RTTN: variants seen among roughly 807,000 people sequenced by gnomAD.
The protein encoded by RTTN is rotatin.
Under a neutral mutation model 269.2 loss-of-function variants are expected in RTTN, and 182 were observed. The observed-to-expected ratio is 0.68, with a 90% CI of 0.60 to 0.76. RTTN has a LOEUF of 0.76. Ranked by LOEUF, RTTN falls within the 30% of genes least tolerant of loss-of-function variation. The probability of loss-of-function intolerance (pLI) is 0.00; values close to 1 mark genes in which losing one functional copy is unlikely to be tolerated. For missense variants in RTTN, 2,545 were observed against 2,608.6 expected, an observed-to-expected ratio of 0.98 and a Z score of 0.53; for synonymous variants, 1,006 against 963.5, an observed-to-expected ratio of 1.04 and a Z score of -0.82.
chr18:70,029,105 T>C (rs1022341618), intron 42 of RTTN, among the ~76,000 whole-genome samples: 2 of 149,494 alleles, frequency 1.3e-5, no homozygotes, highest in African/African-American at 4.9e-5. Flanking sequence ...TTCAATAATA[T>C]CAGGTGTTGG....
At chr18:70,148,610 T>A (rs1474045755) in intron 17 of RTTN, among the ~76,000 whole-genome samples, 1 of 152,204 alleles carries the variant, frequency 6.6e-6, no homozygotes, top group Non-Finnish European at 1.5e-5. Flanking sequence ...ACCATCTATT[T>A]ATCTCCATGG....
At chr18:70,188,560 C>T (rs1029188089) in intron 9 of RTTN, among the ~76,000 whole-genome samples, 1 of 152,136 alleles carries the variant, frequency 6.6e-6, no homozygotes, top group Non-Finnish European at 1.5e-5. Flanking sequence ...TGACAAAGCA[C>T]CAGAAAGGTT....
intron 14 of RTTN, among the ~76,000 whole-genome samples, chr18:70,160,557 A>G (rs907629144): frequency 9.9e-5 from 15 of 151,138 alleles, no homozygotes; most frequent in African/African-American, 3.2e-4. Context: ...TCAATATGCT[A>G]TTGGAAGGCC....
intron 26 of RTTN, among the ~76,000 whole-genome samples, chr18:70,118,882 A>G (rs1353997439): frequency 6.6e-6 from 1 of 152,170 alleles, no homozygotes; most frequent in African/African-American, 2.4e-5. Context: ...ACAAAATTCA[A>G]CATCCTTTCA....
At chr18:70,125,907 T>C (rs1156632468) in intron 25 of RTTN, among the ~76,000 whole-genome samples, 1 of 152,078 alleles carries the variant, frequency 6.6e-6, no homozygotes, top group Non-Finnish European at 1.5e-5. Flanking sequence ...TTCTGTGATA[T>C]ATATTTTTGA....
chr18:70,199,073 G>A (rs921484576), intron 5 of RTTN, among the ~76,000 whole-genome samples: 2 of 152,146 alleles, frequency 1.3e-5, no homozygotes, highest in Non-Finnish European at 2.9e-5. Context: ...TGTAATTCCA[G>A]CTACTCAGGA....
intron 44 of RTTN, among the ~76,000 whole-genome samples, chr18:70,023,876 G>C (rs1367770831): frequency 6.6e-6 from 1 of 152,062 alleles, no homozygotes; most frequent in Non-Finnish European, 1.5e-5. Context: ...TCCGCTTCCT[G>C]GGTTCAAGTG....
At chr18:70,041,435 G>A (rs2057337397) in intron 40 of RTTN, among the ~76,000 whole-genome samples, 1 of 151,666 alleles carries the variant, frequency 6.6e-6, no homozygotes, top group Non-Finnish European at 1.5e-5. Context: ...TGGATGAGAG[G>A]CAAGTGTATT....
At chr18:70,100,771 G>T (rs1443295601) in intron 28 of RTTN, among the ~76,000 whole-genome samples, 2 of 152,126 alleles carry the variant, frequency 1.3e-5, no homozygotes, top group African/African-American at 4.8e-5. Context: ...AATTTACTGA[G>T]AGTTTTTAGC....
chr18:70,182,932 T>G (rs2061452857), intron 10 of RTTN, among the ~76,000 whole-genome samples: 1 of 152,208 alleles, frequency 6.6e-6, no homozygotes, highest in African/African-American at 2.4e-5. Context: ...TATTCTAAAG[T>G]TGATCCAGAA....
At chr18:70,128,219 T>G (rs1016071479) in intron 24 of RTTN, 139 bp downstream of exon 24, 27 of 637,632 alleles carry the variant, frequency 4.2e-5, no homozygotes, top group African/African-American at 3.7e-4. Context: ...TAAAAGAAAG[T>G]AAAAATTATA....
intron 33 of RTTN, 44 bp from the exon 34 acceptor site, chr18:70,074,038 A>C (rs1217871583): frequency 3.8e-6 from 5 of 1,315,570 alleles, no homozygotes; most frequent in Non-Finnish European, 5.5e-6. Flanking sequence ...CCTCCTAGGA[A>C]CTGTAACAAT....
chr18:70,119,830 A>G (rs1209508938), intron 26 of RTTN, among the ~76,000 whole-genome samples: 2 of 152,216 alleles, frequency 1.3e-5, no homozygotes, highest in Admixed American at 1.3e-4. Context: ...AATTAACTAC[A>G]TAGCTTATTA....
Position 70,104,885 on chromosome 18 carries a change from G to C in RTTN, c.3903+4613C>G, listed in dbSNP as rs372519583. ...TTCGTCTCAAGAGGGGCACCCGGCTGTATGAGGTGTCAGTTGGCCCCTACT... is the reference window on the plus strand; with the variant it reads ...TTCGTCTCAAGAGGGGCACCCGGCTCTATGAGGTGTCAGTTGGCCCCTACT... On this transcript the variant is annotated intron_variant, in intron 28 of 48. Coordinates refer to ENST00000640769, the MANE Select transcript of RTTN (RefSeq NM_173630.4). Among the ~76,000 whole-genome samples, 765 of 152,278 alleles carry C rather than the reference G, an allele frequency of 5.0e-3. 5 individuals carry two copies. Among genetic ancestry groups the C allele is most frequent in the African/African-American group, 0.017 (725 of 41,564 alleles).
chr18:70,124,620 C>T (rs1373641018), intron 25 of RTTN, among the ~76,000 whole-genome samples: 1 of 152,002 alleles, frequency 6.6e-6, no homozygotes, highest in Non-Finnish European at 1.5e-5. Context: ...TTCATAGAAA[C>T]ACAGCATATG....
chr18:70,105,174 T>A lies in RTTN; in HGVS notation c.3903+4324A>T, dbSNP rs138863698. Among the ~76,000 whole-genome samples the A allele has an allele frequency of 5.3e-5, 8 of 152,282 alleles. No individual in the cohort carries two copies. In the East Asian group the frequency reaches 1.2e-3, roughly 22 times the overall value. On this transcript the variant is annotated intron_variant, in intron 28 of 48. Coordinates refer to ENST00000640769, the MANE Select transcript of RTTN (RefSeq NM_173630.4). Reference sequence around the variant, plus strand: ...GTTCGAGCTTCCCGGCCGCTTTGATTACCTACTCAAGCCTCAGCAATGGCG... The same window carrying A: ...GTTCGAGCTTCCCGGCCGCTTTGATAACCTACTCAAGCCTCAGCAATGGCG...
At chr18:70,044,951 G>A (rs1255188800) in intron 40 of RTTN, among the ~76,000 whole-genome samples, 1 of 152,118 alleles carries the variant, frequency 6.6e-6, no homozygotes, top group Admixed American at 6.6e-5. Context: ...GCTATAAAAG[G>A]CAAAACTACA....
chr18:70,104,658 C>T (rs1355420223), intron 28 of RTTN, among the ~76,000 whole-genome samples: 2 of 152,086 alleles, frequency 1.3e-5, no homozygotes, highest in African/African-American at 4.8e-5. Flanking sequence ...ATGATGGTGA[C>T]GTACAGATGG....
intron 43 of RTTN, among the ~76,000 whole-genome samples, 182 bp downstream of exon 43, chr18:70,028,542 T>C (rs1263534444): frequency 6.6e-6 from 1 of 152,196 alleles, no homozygotes; most frequent in Non-Finnish European, 1.5e-5. Context: ...TCAGTGTCGA[T>C]GAATAATGAT....
Sources: gnomAD v4.1 joint callset for allele counts (sites outside exome capture counted in the v4.1 genomes callset) on GRCh38, gnomAD v4.1.1 for gene constraint, MANE v1.5 for transcripts, NCBI Gene and HGNC (gene_info 2026-07-23, HGNC 2026-07-21) for gene names.